Variants in CNTN5 observed in about 807,000 individuals in gnomAD.
CNTN5 encodes contactin-5.
Under a neutral mutation model 129.1 loss-of-function variants are expected in CNTN5, and 77 were observed. The ratio of observed to expected loss-of-function variants is 0.60; its 90% confidence interval spans 0.50 to 0.72. The LOEUF (loss-of-function observed/expected upper bound fraction) is 0.72, where lower values mean the gene tolerates loss of function less well. Among genes scored for constraint, CNTN5 ranks in the 30% least tolerant of loss-of-function variants. The pLI is 0.00. For missense variants in CNTN5, 1,478 were observed against 1,328.8 expected, an observed-to-expected ratio of 1.11 and a Z score of -1.75; for synonymous variants, 509 against 465.6, an observed-to-expected ratio of 1.09 and a Z score of -1.20.
intron 2 of CNTN5, among the ~76,000 whole-genome samples, chr11:99,479,046 A>T (rs909706659): frequency 6.6e-6 from 1 of 152,106 alleles, no homozygotes; most frequent in Non-Finnish European, 1.5e-5. Flanking sequence ...AATGAACACT[A>T]ATGCAAATAG....
intron 6 of CNTN5, among the ~76,000 whole-genome samples, chr11:99,892,942 G>A (rs887692434): frequency 6.6e-6 from 1 of 152,142 alleles, no homozygotes; most frequent in African/African-American, 2.4e-5. Context: ...TCACGATATT[G>A]ATTCTTCCTA....
At chr11:100,157,088 G>T (rs1273110137) in intron 13 of CNTN5, among the ~76,000 whole-genome samples, 1 of 151,808 alleles carries the variant, frequency 6.6e-6, no homozygotes, top group Non-Finnish European at 1.5e-5. Context: ...TGATATTAGG[G>T]TGTTGATTTT....
intron 1 of CNTN5, among the ~76,000 whole-genome samples, chr11:99,317,720 T>C (rs1462763403): frequency 6.6e-6 from 1 of 152,170 alleles, no homozygotes; most frequent in Non-Finnish European, 1.5e-5. Context: ...TTAGCGTTGC[T>C]ACTGCTTTGA....
At chr11:100,207,307 A>C (rs923838262) in intron 15 of CNTN5, among the ~76,000 whole-genome samples, 1 of 152,162 alleles carries the variant, frequency 6.6e-6, no homozygotes, top group East Asian at 1.9e-4. Flanking sequence ...TAAGCTCATT[A>C]CTAAAGGTTG....
At chr11:100,116,761 T>C (rs942299923) in intron 13 of CNTN5, among the ~76,000 whole-genome samples, 2 of 152,028 alleles carry the variant, frequency 1.3e-5, no homozygotes, top group Non-Finnish European at 2.9e-5. Flanking sequence ...ATTTTACATG[T>C]AGATTTTTCA....
intron 6 of CNTN5, among the ~76,000 whole-genome samples, chr11:99,899,589 C>T (rs1417812619): frequency 1.3e-5 from 2 of 151,864 alleles, no homozygotes; most frequent in South Asian, 2.1e-4. Context: ...TTGATCATGG[C>T]AAATTATCTT....
chr11:99,647,346 C>CT (rs1248499956), intron 3 of CNTN5, among the ~76,000 whole-genome samples: 4 of 152,000 alleles, frequency 2.6e-5, no homozygotes, highest in African/African-American at 9.7e-5. Flanking sequence ...AATCAGTTGG[C>CT]TACAAACGTG....
intron 3 of CNTN5, among the ~76,000 whole-genome samples, chr11:99,698,393 A>G (rs1050312938): frequency 5.3e-5 from 8 of 151,498 alleles, no homozygotes; most frequent in African/African-American, 1.7e-4. Flanking sequence ...CAGAGATTTA[A>G]AACCCTGGAA....
chr11:99,024,286 G>T (rs1446256365), intron 1 of CNTN5, among the ~76,000 whole-genome samples: 3 of 152,116 alleles, frequency 2.0e-5, no homozygotes, highest in Admixed American at 6.5e-5. Flanking sequence ...AATATTATTA[G>T]TTTATGTTTT....
At chr11:99,913,879 A>G (rs1350619069) in intron 6 of CNTN5, among the ~76,000 whole-genome samples, 2 of 152,110 alleles carry the variant, frequency 1.3e-5, no homozygotes, top group Non-Finnish European at 2.9e-5. Context: ...AGTTAAAATA[A>G]ATTGATATCC....
At chr11:100,034,668 T>C (rs181254367) in intron 9 of CNTN5, among the ~76,000 whole-genome samples, 48 of 152,324 alleles carry the variant, frequency 3.2e-4, no homozygotes, top group African/African-American at 1.1e-3. Flanking sequence ...TTGTGTATTA[T>C]TGGTGGTTGC....
At chr11:99,028,192 G>A (rs1863188960) in intron 1 of CNTN5, among the ~76,000 whole-genome samples, 1 of 151,778 alleles carries the variant, frequency 6.6e-6, no homozygotes, top group African/African-American at 2.4e-5. Context: ...CATATTAACT[G>A]TTTTAAAAAT....
intron 9 of CNTN5, among the ~76,000 whole-genome samples, chr11:100,029,139 G>A (rs953230999): frequency 2.0e-5 from 3 of 149,192 alleles, no homozygotes; most frequent in Admixed American, 1.4e-4. Context: ...AAACATACAT[G>A]TGATTCAGAT....
At chr11:99,116,531 G>A (rs1263848388) in intron 1 of CNTN5, among the ~76,000 whole-genome samples, 1 of 152,064 alleles carries the variant, frequency 6.6e-6, no homozygotes, top group Non-Finnish European at 1.5e-5. Flanking sequence ...TTACATAATA[G>A]GCATGCAATT....
chr11:99,798,097 C>G (rs1410775488), intron 3 of CNTN5, among the ~76,000 whole-genome samples: 3 of 151,964 alleles, frequency 2.0e-5, no homozygotes, highest in African/African-American at 7.3e-5. Context: ...TTTCCTGATC[C>G]TTTCCCTCCT....
chr11:99,610,328 T>A (rs1186835292), intron 3 of CNTN5, among the ~76,000 whole-genome samples: 1 of 152,150 alleles, frequency 6.6e-6, no homozygotes, highest in Non-Finnish European at 1.5e-5. Context: ...TGCATCATAT[T>A]CTATCTGGTG....
chr11:99,336,870 A>G (rs544898036), intron 2 of CNTN5, among the ~76,000 whole-genome samples: 2 of 152,122 alleles, frequency 1.3e-5, no homozygotes, highest in African/African-American at 4.8e-5. Flanking sequence ...AATGTTTACT[A>G]AACAGTAGAT....
At chr11:100,333,424 A>AC (rs967038646) in intron 21 of CNTN5, among the ~76,000 whole-genome samples, 1 of 150,616 alleles carries the variant, frequency 6.6e-6, no homozygotes, top group Non-Finnish European at 1.5e-5. Flanking sequence ...AAAAAAAAAA[A>AC]AAAAAAAACA....
chr11:99,065,861 G>A lies in CNTN5; in HGVS notation c.-210+44591G>A, dbSNP rs79857052. Reference sequence around the variant, plus strand: ...ATGTTGGACACATTTTAAAACATACGTGTTTGGCATATTATTTTGATTTCA... The same window carrying A: ...ATGTTGGACACATTTTAAAACATACATGTTTGGCATATTATTTTGATTTCA... On this transcript the variant is annotated intron_variant, in intron 1 of 24. Coordinates refer to ENST00000524871, the MANE Select transcript of CNTN5 (RefSeq NM_014361.4). Among the ~76,000 whole-genome samples, 790 of 152,060 alleles carry A rather than the reference G, an allele frequency of 5.2e-3. 11 individuals are homozygous for A. Among genetic ancestry groups the A allele is most frequent in the African/African-American group, 0.018 (757 of 41,518 alleles).
Sources: allele counts gnomAD v4.1 joint callset (sites outside exome capture counted in the v4.1 genomes callset), GRCh38; gene constraint gnomAD v4.1.1; transcripts MANE v1.5; gene names NCBI Gene and HGNC (gene_info 2026-07-23, HGNC 2026-07-21).